DLG2: variants seen among roughly 807,000 people sequenced by gnomAD.
DLG2 encodes the protein discs large MAGUK scaffold protein 2.
DLG2 carries 45 observed loss-of-function variants against 132.5 expected under a neutral mutation model. That is an observed-to-expected ratio of 0.34 (90% CI 0.27 to 0.44). The LOEUF (loss-of-function observed/expected upper bound fraction) is 0.44, where lower values mean the gene tolerates loss of function less well. Among genes scored for constraint, DLG2 ranks in the 20% least tolerant of loss-of-function variants. DLG2 has a pLI of 1.00. For missense variants in DLG2, 1,045 were observed against 1,196.9 expected, an observed-to-expected ratio of 0.87 and a Z score of 1.87; for synonymous variants, 424 against 419.6, an observed-to-expected ratio of 1.01 and a Z score of -0.13.
intron 6 of DLG2, among the ~76,000 whole-genome samples, chr11:85,074,046 A>G (rs193074170): frequency 3.1e-4 from 47 of 151,964 alleles, no homozygotes; most frequent in Middle Eastern, 3.4e-3. Context: ...AACATTGAGT[A>G]TATATGGACA....
intron 7 of DLG2, among the ~76,000 whole-genome samples, chr11:84,297,227 T>C (rs555578246): frequency 6.6e-6 from 1 of 151,356 alleles, no homozygotes; most frequent in Non-Finnish European, 1.5e-5. Flanking sequence ...AGGTTAAGGG[T>C]TAAGAATAAA....
intron 15 of DLG2, among the ~76,000 whole-genome samples, chr11:83,892,749 T>C (rs1005363565): frequency 6.6e-6 from 1 of 152,044 alleles, no homozygotes; most frequent in Non-Finnish European, 1.5e-5. Flanking sequence ...CATAGTTTGT[T>C]AAGTTAATAG....
intron 21 of DLG2, among the ~76,000 whole-genome samples, chr11:83,505,585 C>G (rs1167552947): frequency 6.6e-6 from 1 of 152,226 alleles, no homozygotes; most frequent in Non-Finnish European, 1.5e-5. Flanking sequence ...CCATATACCT[C>G]TTCCCCAAAT....
chr11:84,937,945 C>G (rs2048946247), intron 6 of DLG2, among the ~76,000 whole-genome samples: 1 of 152,128 alleles, frequency 6.6e-6, no homozygotes. Flanking sequence ...TCTGAGAAAA[C>G]TCTGGCCCAG....
At chr11:83,722,934 T>C (rs747021142) in intron 18 of DLG2, among the ~76,000 whole-genome samples, 2 of 152,200 alleles carry the variant, frequency 1.3e-5, no homozygotes, top group Non-Finnish European at 2.9e-5. Flanking sequence ...CATTGCACTG[T>C]TTTTCCATCA....
intron 7 of DLG2, among the ~76,000 whole-genome samples, chr11:84,502,001 G>A (rs2099207354): frequency 6.6e-6 from 1 of 152,026 alleles, no homozygotes; most frequent in African/African-American, 2.4e-5. Context: ...TCTGTAAAAT[G>A]AGGACATACA....
chr11:85,616,794 C>T (rs1464781366), intron 2 of DLG2, among the ~76,000 whole-genome samples: 1 of 152,108 alleles, frequency 6.6e-6, no homozygotes, highest in Non-Finnish European at 1.5e-5. Flanking sequence ...GCTTGGAAGG[C>T]AGCAAGACCC....
intron 6 of DLG2, among the ~76,000 whole-genome samples, chr11:84,919,735 G>A (rs533066984): frequency 5.9e-5 from 9 of 152,196 alleles, no homozygotes; most frequent in African/African-American, 1.7e-4. Context: ...GAAAATTATC[G>A]TCAGTATCAC....
intron 3 of DLG2, among the ~76,000 whole-genome samples, chr11:85,303,469 T>A (rs77229861): frequency 0.035 from 5,347 of 152,288 alleles, 142 homozygotes; most frequent in Admixed American, 0.049. Flanking sequence ...ATTCAATAAA[T>A]ATTTATTAAG....
intron 11 of DLG2, among the ~76,000 whole-genome samples, chr11:84,014,869 T>TA (rs374510320): frequency 1.3e-3 from 200 of 151,066 alleles, no homozygotes; most frequent in African/African-American, 1.3e-3. Context: ...AGTTTTGAGA[T>TA]AAAAAAAAGG....
intron 3 of DLG2, among the ~76,000 whole-genome samples, chr11:85,493,285 T>C (rs1247621367): frequency 6.6e-6 from 1 of 152,198 alleles, no homozygotes; most frequent in African/African-American, 2.4e-5. Flanking sequence ...AACTACACTA[T>C]ACTCCAACCA....
intron 11 of DLG2, among the ~76,000 whole-genome samples, chr11:84,028,947 A>G (rs1399173870): frequency 2.0e-5 from 3 of 152,130 alleles, no homozygotes; most frequent in Non-Finnish European, 2.9e-5. Context: ...TTATAGCTCT[A>G]TCTTCTTACA....
intron 21 of DLG2, among the ~76,000 whole-genome samples, chr11:83,525,050 G>A (rs1471615606): frequency 1.3e-5 from 2 of 152,218 alleles, no homozygotes. Flanking sequence ...CATAAGGAAT[G>A]TAGTTTATTC....
intron 3 of DLG2, among the ~76,000 whole-genome samples, chr11:85,323,584 A>C (rs147898084): frequency 1.1e-3 from 172 of 152,324 alleles, no homozygotes; most frequent in African/African-American, 3.9e-3. Context: ...TGTGCTATCA[A>C]ACACTAGAAC....
Position 83,456,730 on chromosome 11 carries a change from A to G in DLG2, c.*3088T>C, listed in dbSNP as rs915367848. On this transcript the variant is annotated 3_prime_UTR_variant, in exon 28 of 28. Transcript: ENST00000376104. ...AGGAAAAGAATGAGAAAAAAAGTAG[A>G]GTCTCGAGCCAGAGGTTGGAGAGTT... 4.6e-5 allele frequency: 7 copies of G among 151,892 alleles called. No homozygotes were observed. The highest frequency in any genetic ancestry group is 7.4e-5 in the Non-Finnish European group (5 of 68,014). The allele number at this position is 151,892 out of a possible 1,614,324, so 9.4% of individuals were successfully genotyped here. A position where few individuals can be genotyped will look rare whatever the true frequency, so the allele number is the denominator to read the frequency against.
chr11:85,619,115 C>G (rs2081531773), intron 2 of DLG2, among the ~76,000 whole-genome samples: 1 of 152,160 alleles, frequency 6.6e-6, no homozygotes. Context: ...ATTTATGCCT[C>G]CTGGATTAAT....
chr11:84,045,221 C>G (rs979149109), intron 11 of DLG2, among the ~76,000 whole-genome samples: 1 of 151,692 alleles, frequency 6.6e-6, no homozygotes, highest in African/African-American at 2.4e-5. Flanking sequence ...ACTTTTATAT[C>G]TATATGTGCT....
At chr11:83,480,699 C>A in intron 22 of DLG2, 3 of 1,357,076 alleles carry the variant, frequency 2.2e-6, no homozygotes, top group Non-Finnish European at 3.1e-6. Context: ...TAGAAAAATA[C>A]TATGACCCAT....
intron 3 of DLG2, among the ~76,000 whole-genome samples, chr11:85,388,988 C>T (rs1379580820): frequency 1.3e-5 from 2 of 151,956 alleles, no homozygotes; most frequent in African/African-American, 2.4e-5. Context: ...GCAATGGATC[C>T]AAACCAAGAT....
Sources: allele counts gnomAD v4.1 joint callset (sites outside exome capture counted in the v4.1 genomes callset), GRCh38; gene constraint gnomAD v4.1.1; transcripts MANE v1.5; gene names NCBI Gene and HGNC (gene_info 2026-07-23, HGNC 2026-07-21).